Variants in TCF4 observed in about 807,000 individuals in gnomAD.
TCF4 encodes transcription factor 4, also known as SL3-3 enhancer factor 2.
A neutral mutation model predicts 82.1 loss-of-function variants in TCF4; 3 were observed. That is an observed-to-expected ratio of 0.04 (90% CI 0.02 to 0.09). The LOEUF is 0.09. Ranked by LOEUF, TCF4 falls within the 10% of genes least tolerant of loss-of-function variation. The pLI is 1.00. For synonymous variants in TCF4, 276 were observed against 309.6 expected (o/e 0.89, Z 1.14); for missense variants, 518 against 852.7 (o/e 0.61, Z 4.89).
chr18:55,236,203 G>GC (rs2049335153), intron 15 of TCF4, among the ~76,000 whole-genome samples: 1 of 152,088 alleles, frequency 6.6e-6, no homozygotes, highest in Non-Finnish European at 1.5e-5. Flanking sequence ...AGGCTTATGA[G>GC]CCTCAGGAAG....
chr18:55,578,544 G>T (rs2097549108), intron 3 of TCF4, among the ~76,000 whole-genome samples: 1 of 152,050 alleles, frequency 6.6e-6, no homozygotes, highest in Non-Finnish European at 1.5e-5. Flanking sequence ...ATTCCCTGAG[G>T]ATTTGAATGC....
At chr18:55,433,091 A>G (rs1265539137) in intron 5 of TCF4, among the ~76,000 whole-genome samples, 5 of 152,232 alleles carry the variant, frequency 3.3e-5, no homozygotes, top group Non-Finnish European at 5.9e-5. Context: ...ACTTATATTT[A>G]TATCTAATAC....
upstream of TCF4, chr18:55,588,390 C>T: frequency 6.5e-7 from 1 of 1,532,878 alleles, no homozygotes; most frequent in Non-Finnish European, 8.7e-7. Context: ...CCCCCTCGCA[C>T]CCACCCCGAG....
rs749107378 is a variant in TCF4, at chr18:55,461,050, G to A, written c.273C>T (p.Leu91=). 6.2e-7 allele frequency: 1 copy of A among 1,613,276 alleles called. No homozygotes were observed. The highest frequency in any genetic ancestry group is 1.7e-5 in the Admixed American group (1 of 59,914). The change falls in exon 5 of 20, where the codon CTC becomes CTT. Residue 91 remains leucine (L), a synonymous_variant. Transcript: ENST00000354452. The part of the protein sequence containing the change: ...TSRDLGSHDN[L]SPPFVNSRIQ... Reference sequence around the variant, plus strand: ...TTCTGGAATTGACAAAAGGTGGAGAGAGATTGTCATGTGACCCAAGGTCCC... The same window carrying A: ...TTCTGGAATTGACAAAAGGTGGAGAAAGATTGTCATGTGACCCAAGGTCCC...
At chr18:55,369,512 G>C (rs1181311816) in intron 6 of TCF4, among the ~76,000 whole-genome samples, 1 of 152,130 alleles carries the variant, frequency 6.6e-6, no homozygotes, top group Admixed American at 6.5e-5. Context: ...GGCGAAAGTG[G>C]CTGAGGTCCA....
chr18:55,627,984 C>T (rs535884251), intron 2 of TCF4, among the ~76,000 whole-genome samples: 10 of 152,232 alleles, frequency 6.6e-5, no homozygotes, highest in African/African-American at 1.4e-4. Flanking sequence ...GGCGTGAACC[C>T]GGGAGGCGGA....
In TCF4 at chr18:55,322,240, C is replaced by CCTCT. The variant is rs372892841; in HGVS notation, c.549+28115_549+28118dup. The stretch of plus-strand genomic sequence containing the variant: ...ATACAAATGCAGTTAATTGACTCCC[C>CCTCT]CTCTCTCTCTCTCCCTCTCTTTCTT... On this transcript the variant is annotated intron_variant, in intron 8 of 19. Transcript: ENST00000354452. 3.0e-5 allele frequency: 32 copies of CCTCT among 1,056,260 alleles called. No individual in the cohort carries two copies. The South Asian group carries it at 1.1e-3, about 38-fold the overall frequency. 65.4% of individuals were successfully genotyped at this position (1,056,260 alleles called of 1,614,324 possible). A position where few individuals can be genotyped will look rare whatever the true frequency, so the allele number is the denominator to read the frequency against.
rs552457479 is a variant in TCF4 at position 55,629,736 on chromosome 18, C to G, written c.286+1562G>C. Reference sequence around the variant, plus strand: ...AGTACAGAAGAGACCAACAAAGGCACAGGAGTGAAATCTATCTAAAAACTT... The same window carrying G: ...AGTACAGAAGAGACCAACAAAGGCAGAGGAGTGAAATCTATCTAAAAACTT... On this transcript the variant is annotated intron_variant, in intron 2 of 20. Transcript: ENST00000398339. 3.3e-5 allele frequency among the ~76,000 whole-genome samples: 5 copies of G among 152,248 alleles called. No homozygotes were observed. The East Asian group carries it at 9.6e-4, about 29-fold the overall frequency.
exon 2 of TCF4, chr18:55,631,335 C>T: frequency 1.3e-6 from 2 of 1,547,692 alleles, no homozygotes; most frequent in Non-Finnish European, 1.7e-6. Flanking sequence ...AGGTGTGAGC[C>T]ACCATGCCCG....
At chr18:55,564,989 G>GA (rs1338394320) in intron 3 of TCF4, among the ~76,000 whole-genome samples, 1 of 152,126 alleles carries the variant, frequency 6.6e-6, no homozygotes, top group African/African-American at 2.4e-5. Context: ...CAATAGAAGA[G>GA]AAAAAGAAAG....
At chr18:55,252,380 GTA>G (rs980808364) in intron 15 of TCF4, among the ~76,000 whole-genome samples, 2 of 149,340 alleles carry the variant, frequency 1.3e-5, no homozygotes, top group Admixed American at 6.7e-5. Context: ...GTGTGTGTGT[GTA>G]TATCAAGATC....
chr18:55,472,869 C>A (rs745511850), intron 3 of TCF4, among the ~76,000 whole-genome samples: 8 of 152,082 alleles, frequency 5.3e-5, no homozygotes, highest in Non-Finnish European at 8.8e-5. Context: ...AGACATATCA[C>A]CTTCTAAAGA....
intron 14 of TCF4, among the ~76,000 whole-genome samples, chr18:55,256,707 T>C (rs964936638): frequency 1.3e-5 from 2 of 152,184 alleles, no homozygotes; most frequent in African/African-American, 4.8e-5. Context: ...ACAGCCTAAA[T>C]GCTGCACAAC....
intron 8 of TCF4, among the ~76,000 whole-genome samples, chr18:55,313,043 A>C (rs934005322): frequency 6.6e-6 from 1 of 152,212 alleles, no homozygotes; most frequent in Non-Finnish European, 1.5e-5. Context: ...CTGAAGCTGA[A>C]TGTCTAATAC....
At chr18:55,559,769 T>A (rs1030843535) in intron 3 of TCF4, among the ~76,000 whole-genome samples, 1 of 152,206 alleles carries the variant, frequency 6.6e-6, no homozygotes. Context: ...AAATCTTTTT[T>A]TCCATTCCGT....
At chr18:55,625,267 C>A (rs963412126) in intron 2 of TCF4, among the ~76,000 whole-genome samples, 5 of 143,786 alleles carry the variant, frequency 3.5e-5, no homozygotes, top group Non-Finnish European at 7.5e-5. Flanking sequence ...GAGATGGGAA[C>A]TTGCTTTGTC....
At chr18:55,579,686 G>A (rs1000351184) in intron 3 of TCF4, among the ~76,000 whole-genome samples, 30 of 151,988 alleles carry the variant, frequency 2.0e-4, no homozygotes, top group African/African-American at 7.2e-4. Context: ...GATCTAAATA[G>A]CATCATAATA....
At chr18:55,632,176 C>G (rs1423233226) in intron 1 of TCF4, among the ~76,000 whole-genome samples, 1 of 152,112 alleles carries the variant, frequency 6.6e-6, no homozygotes, top group South Asian at 2.1e-4. Context: ...CTAGCTGGGA[C>G]TACAGGCGCC....
chr18:55,356,421 T>A (rs1436038103), intron 6 of TCF4, among the ~76,000 whole-genome samples: 2 of 152,208 alleles, frequency 1.3e-5, no homozygotes, highest in Non-Finnish European at 2.9e-5. Context: ...ACAATCTTCA[T>A]AATTAAATTT....
Sources: allele counts gnomAD v4.1 joint callset (sites outside exome capture counted in the v4.1 genomes callset), GRCh38; gene constraint gnomAD v4.1.1; transcripts MANE v1.5; gene names NCBI Gene and HGNC (gene_info 2026-07-23, HGNC 2026-07-21).